Variants in ZNF761 observed in about 807,000 individuals in gnomAD.
ZNF761 encodes zinc finger protein 761.
ZNF761 carries 43 observed loss-of-function variants against 59.9 expected under a neutral mutation model. The ratio of observed to expected loss-of-function variants is 0.72; its 90% CI spans 0.56 to 0.92. The LOEUF (loss-of-function observed/expected upper bound fraction) is 0.92. Among genes scored for constraint, ZNF761 ranks in the 40% least tolerant of loss-of-function variants. The pLI is 0.00. For missense variants in ZNF761, 850 were observed against 906.1 expected (o/e 0.94, Z 0.79); for synonymous variants, 294 against 304.8 (o/e 0.96, Z 0.37).
intron 4 of ZNF761, chr19:53,450,098 A>T (rs11084256): frequency 0.039 from 12,659 of 321,292 alleles, 453 homozygotes; most frequent in East Asian, 0.15. Context: ...AGGTCAGGCG[A>T]TCGAGACCAG....
At chr19:53,433,005 G>A (rs1348595932) in intron 1 of ZNF761, among the ~76,000 whole-genome samples, 2 of 145,920 alleles carry the variant, frequency 1.4e-5, no homozygotes, top group African/African-American at 5.1e-5. Flanking sequence ...GCACAGCAGG[G>A]AGGACACCTG....
intron 1 of ZNF761, among the ~76,000 whole-genome samples, chr19:53,439,630 A>G (rs11672864): frequency 0.3 from 44,910 of 152,102 alleles, 7,694 homozygotes; most frequent in South Asian, 0.54. Flanking sequence ...AATAAGAGCT[A>G]TCAAAGTATA....
chr19:53,442,498 T>C, intron 1 of ZNF761: 1 of 732,792 alleles, frequency 1.4e-6, no homozygotes, highest in East Asian at 2.5e-5. Flanking sequence ...GTAGCCAAGC[T>C]GGAAAAGACA....
At position 53,435,330 on chromosome 19, in the gene ZNF761, G is replaced by A. The variant is rs186613989; in HGVS notation, c.-185+3302G>A. On this transcript the variant is annotated intron_variant, in intron 1 of 4. Coordinates refer to ENST00000684525, the MANE Select transcript of ZNF761 (RefSeq NM_001289951.2). ...TTTTTTTTTTTTTTTTTGAGATGGA[G>A]TTTTGCTCTTGTTGCCCAGTCTGGA... Among the ~76,000 whole-genome samples, 474 of 74,448 alleles carry A rather than the reference G, an allele frequency of 6.4e-3. 3 individuals carry two copies. The highest frequency in any genetic ancestry group is 0.032 in the African/African-American group (453 of 14,100). The allele number at this position is 74,448 out of a possible 152,430, so 48.8% of individuals were successfully genotyped here. A position where few individuals can be genotyped will look rare whatever the true frequency, so the allele number is the denominator to read the frequency against.
intron 4 of ZNF761, chr19:53,449,862 G>A: frequency 9.5e-7 from 1 of 1,050,150 alleles, no homozygotes; most frequent in Non-Finnish European, 1.3e-6. Flanking sequence ...AAATTTTTTA[G>A]TTTGTTTTCT....
intron 1 of ZNF761, among the ~76,000 whole-genome samples, chr19:53,435,453 C>T (rs1253128505): frequency 5.3e-5 from 8 of 151,614 alleles, no homozygotes; most frequent in African/African-American, 1.5e-4. Context: ...TACAGGCATG[C>T]GCCACCATGC....
rs1396809049 is a variant in ZNF761, at chr19:53,454,751, A to G, written c.244A>G (p.Asn82Asp). ...ATTGCAAATACATGAAAGTCATCAC[A>G]ATGGAGATTTTTGCTACCAGGATGT... ...GTLQIHESHH[N>D]GDFCYQDVDK... The change falls in exon 5 of 5, where the codon AAT becomes GAT. Residue 82 changes from asparagine (N) to aspartate (D), a missense_variant. Transcript: ENST00000684525. 1 of 1,614,160 alleles carries G rather than the reference A, an allele frequency of 6.2e-7. No homozygotes were observed. The highest frequency in any genetic ancestry group is 2.2e-5 in the East Asian group (1 of 44,864).
chr19:53,446,530 G>A (rs2147133538), intron 2 of ZNF761, among the ~76,000 whole-genome samples, 193 bp downstream of exon 2: 1 of 152,070 alleles, frequency 6.6e-6, no homozygotes, highest in South Asian at 2.1e-4. Context: ...CAACCACCAA[G>A]CCCAGTTACT....
At chr19:53,436,211 A>G (rs1008955658) in intron 1 of ZNF761, among the ~76,000 whole-genome samples, 22 of 152,202 alleles carry the variant, frequency 1.4e-4, no homozygotes, top group African/African-American at 5.3e-4. Context: ...ACAAGATTAC[A>G]GTACAGGGCC....
In ZNF761 at chr19:53,457,598, C is replaced by T. The variant is rs1292206208; in HGVS notation, c.*850C>T. The T allele has an allele frequency of 3.8e-6, 1 of 265,378 alleles. No homozygotes were observed. Among genetic ancestry groups the T allele is most frequent in the Non-Finnish European group, 7.7e-6 (1 of 130,528 alleles). The allele number at this position is 265,378 out of a possible 1,614,324, so 16.4% of individuals were successfully genotyped here. ...ATATGCAATGAGTAGAGCAAACCAT[C>T]AAGCATTAATTGACATTAGGGTCAA... is the stretch of plus-strand genomic sequence containing the variant. On this transcript the variant is annotated 3_prime_UTR_variant, in exon 5 of 5. Coordinates refer to ENST00000684525, the MANE Select transcript of ZNF761 (RefSeq NM_001289951.2).
At chr19:53,454,499 T>TA (rs2086246440) in intron 4 of ZNF761, 151 bp from the exon 5 acceptor site, 2 of 759,224 alleles carry the variant, frequency 2.6e-6, no homozygotes, top group African/African-American at 3.6e-5. Flanking sequence ...CTTTATTTGT[T>TA]AAAGAATCTT....
At chr19:53,450,843 A>G (rs1274340916) in intron 4 of ZNF761, among the ~76,000 whole-genome samples, 2 of 152,232 alleles carry the variant, frequency 1.3e-5, no homozygotes, top group African/African-American at 4.8e-5. Context: ...CTAAAATACA[A>G]AAATTAGCCG....
chr19:53,447,167 G>A (rs1600092367), intron 2 of ZNF761, 29 bp from the exon 3 acceptor site: 2 of 1,468,146 alleles, frequency 1.4e-6, no homozygotes, highest in African/African-American at 2.8e-5. Context: ...TTGATTCTGA[G>A]CAATAAACAA....
chr19:53,453,702 C>G (rs1436073560), intron 4 of ZNF761, among the ~76,000 whole-genome samples: 1 of 151,934 alleles, frequency 6.6e-6, no homozygotes, highest in Admixed American at 6.6e-5. Flanking sequence ...GTGTTGAAAC[C>G]CTATTTCTAC....
chr19:53,435,443 T>G (rs543031501), intron 1 of ZNF761, among the ~76,000 whole-genome samples: 1 of 151,944 alleles, frequency 6.6e-6, no homozygotes, highest in Non-Finnish European at 1.5e-5. Flanking sequence ...AGGCTGTGAT[T>G]ACAGGCATGC....
intron 1 of ZNF761, chr19:53,442,636 C>G (rs1202623594): frequency 3.7e-6 from 2 of 545,888 alleles, no homozygotes; most frequent in African/African-American, 4.2e-5. Flanking sequence ...TGCTGCTGCT[C>G]CTTCCTCTGA....
intron 1 of ZNF761, among the ~76,000 whole-genome samples, chr19:53,434,784 T>C (rs767819622): frequency 1.3e-5 from 2 of 152,192 alleles, no homozygotes; most frequent in Non-Finnish European, 2.9e-5. Flanking sequence ...CTTAAGGCCA[T>C]TGGTCTACTA....
rs2086263908 is a variant in ZNF761 at position 53,455,835 on chromosome 19, G to A, written c.1328G>A (p.Cys443Tyr). ...GACAATGCTTACAAGTGTAATGAGT[G>A]TGGAAAGACCTTTAGCCGGACATCA... The part of the protein sequence containing the change: ...TEDNAYKCNE[C>Y]GKTFSRTSSL... The change falls in exon 5 of 5, where the codon TGT becomes TAT. Residue 443 changes from cysteine to tyrosine, a missense_variant. Coordinates refer to ENST00000684525, the MANE Select transcript of ZNF761 (RefSeq NM_001289951.2). The A allele has an allele frequency of 6.2e-7, 1 of 1,613,684 alleles. No individual in the cohort carries two copies. Among genetic ancestry groups the A allele is most frequent in the African/African-American group, 1.3e-5 (1 of 74,846 alleles).
chr19:53,452,136 A>G (rs1055220624), intron 4 of ZNF761, among the ~76,000 whole-genome samples: 4 of 152,118 alleles, frequency 2.6e-5, no homozygotes, highest in African/African-American at 4.8e-5. Flanking sequence ...ATCACTTGAA[A>G]TCAGGAGTTT....
Sources: allele counts gnomAD v4.1 joint callset (sites outside exome capture counted in the v4.1 genomes callset), GRCh38; gene constraint gnomAD v4.1.1; transcripts MANE v1.5; gene names NCBI Gene and HGNC (gene_info 2026-07-23, HGNC 2026-07-21).